MRTFA: variants seen among roughly 807,000 people sequenced by gnomAD.
MRTFA encodes the protein myocardin-related transcription factor A.
In MRTFA, 20 loss-of-function variants were observed where a neutral mutation model predicts 83.5. That is an observed-to-expected ratio of 0.24 (90% CI 0.17 to 0.35). The LOEUF is 0.35. Ranked by LOEUF, MRTFA falls within the 10% of genes least tolerant of loss-of-function variation. The probability of loss-of-function intolerance (pLI) is 1.00; values close to 1 mark genes in which losing one functional copy is unlikely to be tolerated. For synonymous variants in MRTFA, 659 were observed against 541.2 expected (o/e 1.22, Z -3.02); for missense variants, 1,200 against 1,224.7 (o/e 0.98, Z 0.30).
intron 2 of MRTFA, among the ~76,000 whole-genome samples, chr22:40,580,946 A>G (rs2055938532): frequency 6.6e-6 from 1 of 151,964 alleles, no homozygotes; most frequent in South Asian, 2.1e-4. Flanking sequence ...CAGGTATCAC[A>G]TTTAACTTCT....
intron 2 of MRTFA, among the ~76,000 whole-genome samples, chr22:40,584,043 A>G (rs563691613): frequency 2.2e-4 from 34 of 152,168 alleles, no homozygotes; most frequent in Non-Finnish European, 4.7e-4. Context: ...TTTCATCACA[A>G]TAATCGAGTG....
At chr22:40,440,484 CT>C (rs2053254562) in intron 4 of MRTFA, among the ~76,000 whole-genome samples, 1 of 152,220 alleles carries the variant, frequency 6.6e-6, no homozygotes, top group African/African-American at 2.4e-5. Context: ...TTTAATTCTT[CT>C]CTCTGATAGC....
intron 3 of MRTFA, among the ~76,000 whole-genome samples, chr22:40,499,510 T>C (rs1444196707): frequency 1.3e-5 from 2 of 152,148 alleles, no homozygotes; most frequent in Non-Finnish European, 2.9e-5. Flanking sequence ...AATTATGCCT[T>C]CCAAGAGAAA....
intron 2 of MRTFA, among the ~76,000 whole-genome samples, chr22:40,572,678 T>C (rs979167573): frequency 2.6e-5 from 4 of 152,122 alleles, no homozygotes; most frequent in Non-Finnish European, 2.9e-5. Flanking sequence ...CAGTTCCACA[T>C]TGCTAGGGAA....
intron 1 of MRTFA, among the ~76,000 whole-genome samples, chr22:40,609,622 G>A (rs1193779921): frequency 6.6e-6 from 1 of 152,022 alleles, no homozygotes; most frequent in African/African-American, 2.4e-5. Context: ...CTTGAGGTCA[G>A]GAGTTCAAGA....
At chr22:40,536,400 G>A (rs1042957050) in intron 3 of MRTFA, among the ~76,000 whole-genome samples, 33 of 150,648 alleles carry the variant, frequency 2.2e-4, no homozygotes, top group Non-Finnish European at 3.4e-4. Context: ...CCGCGGCGCC[G>A]GCGAGCGCCG....
At chr22:40,549,197 T>C (rs929538214) in intron 3 of MRTFA, among the ~76,000 whole-genome samples, 1 of 152,124 alleles carries the variant, frequency 6.6e-6, no homozygotes, top group Non-Finnish European at 1.5e-5. Flanking sequence ...CCCAACATGC[T>C]GGGATTACAT....
chr22:40,447,370 A>C (rs2053400624), intron 4 of MRTFA, among the ~76,000 whole-genome samples: 2 of 151,798 alleles, frequency 1.3e-5, no homozygotes, highest in South Asian at 4.2e-4. Context: ...AGAAAAAAGA[A>C]AAAAAAAGTG....
chr22:40,457,883 T>C (rs1239134264), intron 4 of MRTFA, among the ~76,000 whole-genome samples: 2 of 152,232 alleles, frequency 1.3e-5, no homozygotes, highest in East Asian at 3.8e-4. Context: ...GACCCTTTTC[T>C]GATTTGTCTA....
At chr22:40,575,048 G>C (rs1296807452) in intron 2 of MRTFA, among the ~76,000 whole-genome samples, 1 of 152,226 alleles carries the variant, frequency 6.6e-6, no homozygotes, top group African/African-American at 2.4e-5. Flanking sequence ...TTGTGTGTTA[G>C]AAAAGTAGCA....
At chr22:40,539,866 T>C (rs2055259060) in intron 3 of MRTFA, among the ~76,000 whole-genome samples, 1 of 151,658 alleles carries the variant, frequency 6.6e-6, no homozygotes, top group East Asian at 1.9e-4. Flanking sequence ...AATTCCTTAA[T>C]ATCAGTTAAA....
rs1409001675 is a variant in MRTFA at position 40,508,539 on chromosome 22, A to AC, written c.241+43566_241+43567insG. Among the ~76,000 whole-genome samples, 48 of 149,108 alleles carry AC rather than the reference A, an allele frequency of 3.2e-4. 2 individuals are homozygous for AC. Among genetic ancestry groups the AC allele is most frequent in the African/African-American group, 1.2e-3 (48 of 39,544 alleles). Reference sequence around the variant, plus strand: ...AAAAAAAAAAAAAAAAAAAAAAAAAAAGGATTCATTTAGACTCATTACCAC... The same window carrying AC: ...AAAAAAAAAAAAAAAAAAAAAAAAAACAGGATTCATTTAGACTCATTACCAC... On this transcript the variant is annotated intron_variant, in intron 3 of 14. Transcript: ENST00000355630.
At chr22:40,473,848 C>A (rs1288077953) in intron 3 of MRTFA, among the ~76,000 whole-genome samples, 1 of 152,174 alleles carries the variant, frequency 6.6e-6, no homozygotes, top group Non-Finnish European at 1.5e-5. Context: ...AACCACATGG[C>A]CTACCAATTA....
chr22:40,420,768 C>T (rs950689336), intron 10 of MRTFA, 79 bp downstream of exon 10: 35 of 1,587,092 alleles, frequency 2.2e-5, no homozygotes, highest in Non-Finnish European at 2.6e-5. Flanking sequence ...GTGAGGTTCA[C>T]CCCCACCAGA....
At chr22:40,555,602 A>ATC (rs1185908510) in intron 2 of MRTFA, among the ~76,000 whole-genome samples, 1 of 151,328 alleles carries the variant, frequency 6.6e-6, no homozygotes, top group African/African-American at 2.4e-5. Context: ...ATATATATAT[A>ATC]TCTCCACTCA....
chr22:40,533,707 T>A, intron 3 of MRTFA: 4 of 949,628 alleles, frequency 4.2e-6, no homozygotes, highest in Non-Finnish European at 5.5e-6. Flanking sequence ...AAAAGCTGTC[T>A]TGAAAGCTTT....
chr22:40,474,305 T>C (rs756184732), intron 3 of MRTFA, among the ~76,000 whole-genome samples: 2 of 152,186 alleles, frequency 1.3e-5, no homozygotes, highest in Non-Finnish European at 2.9e-5. Flanking sequence ...AAAAAGGATA[T>C]GAGAGAGCCC....
intron 3 of MRTFA, among the ~76,000 whole-genome samples, chr22:40,464,821 CTTCT>C (rs1216128976): frequency 2.0e-5 from 3 of 152,152 alleles, no homozygotes; most frequent in Non-Finnish European, 4.4e-5. Flanking sequence ...ATCCTTCTTA[CTTCT>C]TTAATGATAT....
At chr22:40,422,471 G>A (rs778688477) in intron 9 of MRTFA, among the ~76,000 whole-genome samples, 27 of 152,354 alleles carry the variant, frequency 1.8e-4, no homozygotes, top group Non-Finnish European at 3.8e-4. Context: ...ACAGTGAGAA[G>A]AGAATGCAGG....
Sources: gnomAD v4.1 joint callset for allele counts (sites outside exome capture counted in the v4.1 genomes callset) on GRCh38, gnomAD v4.1.1 for gene constraint, MANE v1.5 for transcripts, NCBI Gene and HGNC (gene_info 2026-07-23, HGNC 2026-07-21) for gene names.